Variants in ACACB observed in about 807,000 individuals in gnomAD.
ACACB encodes acetyl-CoA carboxylase 2.
Under a neutral mutation model 278.8 loss-of-function variants are expected in ACACB, and 209 were observed. The ratio of observed to expected loss-of-function variants is 0.75; its 90% CI spans 0.67 to 0.84. ACACB has a LOEUF of 0.84. ACACB is among the 40% of genes least tolerant of loss of function. The pLI is 0.00. For synonymous variants in ACACB, 1,174 were observed against 1,285.6 expected (o/e 0.91, Z 1.86); for missense variants, 2,850 against 3,269.0 (o/e 0.87, Z 3.13).
chr12:109,134,687 G>A (rs1055248317), intron 1 of ACACB, among the ~76,000 whole-genome samples: 2 of 152,130 alleles, frequency 1.3e-5, no homozygotes, highest in South Asian at 4.1e-4. Context: ...AAAAGGAGAC[G>A]GGAAGGCAAG....
chr12:109,232,086 C>T (rs181129103), intron 28 of ACACB, among the ~76,000 whole-genome samples: 37 of 152,346 alleles, frequency 2.4e-4, no homozygotes, highest in Admixed American at 7.8e-4. Flanking sequence ...GTGCTGACTT[C>T]CTGCACACCA....
chr12:109,174,868 A>G (rs1013435228), intron 7 of ACACB, among the ~76,000 whole-genome samples: 3 of 152,148 alleles, frequency 2.0e-5, no homozygotes, highest in African/African-American at 7.2e-5. Context: ...CTGTCTTTAA[A>G]AGGAAACAAC....
chr12:109,254,438 T>C lies in ACACB; in HGVS notation c.6166+104T>C, dbSNP rs115197809. ...AAGCGCTTGAGACAAAGGCTTGATA[T>C]TCGTTCTCATATCCCAGAGAGGTAT... On this transcript the variant is annotated intron_variant, in intron 44 of 52. Coordinates refer to ENST00000338432, the MANE Select transcript of ACACB (RefSeq NM_001093.4). 2.6e-3 allele frequency: 2,942 copies of C among 1,144,158 alleles called. 76 individuals are homozygous for C. In the African/African-American group the frequency reaches 0.043, roughly 17 times the overall value. The allele number at this position is 1,144,158 out of a possible 1,614,324, so 70.9% of individuals were successfully genotyped here.
At chr12:109,259,590 A>AC (rs1046607432) in intron 47 of ACACB, among the ~76,000 whole-genome samples, 16 of 151,658 alleles carry the variant, frequency 1.1e-4, no homozygotes, top group Admixed American at 6.6e-5. Context: ...AAACAAAAAA[A>AC]AAACAATGAG....
chr12:109,112,630 C>T (rs1252800088), upstream of ACACB, among the ~76,000 whole-genome samples: 2 of 145,974 alleles, frequency 1.4e-5, no homozygotes, highest in African/African-American at 5.1e-5. Flanking sequence ...TGAACCCGGG[C>T]GATCGCACCA....
Position 109,265,364 on chromosome 12 carries a change from GAGGCATCCTCTGCC to G in ACACB, c.7114-24_7114-11del. ...CTGGCCCACAGCTGGGTCCCTCTCTGAGGCATCCTCTGCCCCCTCCCCAGGCCTACTTGTGGGAC... is the reference window on the plus strand; with the variant it reads ...CTGGCCCACAGCTGGGTCCCTCTCTGCCCTCCCCAGGCCTACTTGTGGGAC... On this transcript the variant is annotated splice_polypyrimidine_tract_variant and intron_variant, in intron 51 of 52. Transcript: ENST00000338432. The G allele has an allele frequency of 6.2e-7, 1 of 1,612,834 alleles. No homozygotes were observed. Among genetic ancestry groups the G allele is most frequent in the African/African-American group, 1.3e-5 (1 of 75,028 alleles).
chr12:109,167,639 A>G (rs113517281), intron 3 of ACACB, among the ~76,000 whole-genome samples: 1 of 132,614 alleles, frequency 7.5e-6, no homozygotes, highest in Non-Finnish European at 1.6e-5. Context: ...ATATATATAT[A>G]TATATATATA....
chr12:109,155,770 GA>G (rs891023493), intron 2 of ACACB, among the ~76,000 whole-genome samples: 5 of 148,802 alleles, frequency 3.4e-5, no homozygotes, highest in Admixed American at 2.0e-4. Context: ...TTAAGTGATT[GA>G]AAAAAAAATC....
intron 25 of ACACB, 57 bp downstream of exon 25, chr12:109,222,677 T>C: frequency 6.5e-7 from 1 of 1,538,096 alleles, no homozygotes; most frequent in African/African-American, 1.4e-5. Flanking sequence ...CTCCTATGTG[T>C]CCCCTACCGT....
rs144907497 is a variant in ACACB, at chr12:109,167,089, C to G, written c.786+96C>G. On this transcript the variant is annotated intron_variant, in intron 3 of 52. Transcript: ENST00000338432. ...TGGGAGATTCGGGTTCAGGCTCATT[C>G]TGCCTGCTGCAGAGAGGGGGTGAGG... The G allele has an allele frequency of 2.3e-3, 3,509 of 1,544,686 alleles. 62 individuals carry two copies. In the African/African-American group the frequency reaches 0.04, roughly 18 times the overall value.
chr12:109,258,198 C>A, intron 45 of ACACB, 70 bp from the exon 46 acceptor site: 1 of 1,194,854 alleles, frequency 8.4e-7, no homozygotes. Context: ...CCCTCACCCC[C>A]ACACCCAGAG....
At chr12:109,214,552 A>G (rs371308161) in intron 22 of ACACB, among the ~76,000 whole-genome samples, 82 of 152,358 alleles carry the variant, frequency 5.4e-4, no homozygotes, top group African/African-American at 1.8e-3. Flanking sequence ...AAAATGAACC[A>G]TTAATAAATT....
In ACACB at chr12:109,242,481, G is replaced by T; in HGVS notation, c.5067G>T (p.Gly1689=). 6.2e-7 allele frequency: 1 copy of T among 1,614,076 alleles called. No individual in the cohort carries two copies. Among genetic ancestry groups the T allele is most frequent in the African/African-American group, 1.3e-5 (1 of 75,038 alleles). ...GCAACAAGCAAGGGCCCCAGCACGGGATGCTGATCAATACTCCCTACGTCA... is the reference window on the plus strand; with the variant it reads ...GCAACAAGCAAGGGCCCCAGCACGGTATGCTGATCAATACTCCCTACGTCA... ...SFGNKQGPQH[G]MLINTPYVTK... is the part of the protein sequence containing the mutation. The change falls in exon 37 of 53, where the codon GGG becomes GGT. Residue 1689 remains glycine (G), a synonymous_variant. Transcript: ENST00000338432.
chr12:109,150,861 T>G (rs1375704356), intron 2 of ACACB, among the ~76,000 whole-genome samples: 3 of 152,242 alleles, frequency 2.0e-5, no homozygotes, highest in African/African-American at 7.2e-5. Flanking sequence ...AATGTTTAAT[T>G]TATTCATTTA....
At chr12:109,246,475 G>A (rs2046949687) in intron 39 of ACACB, 27 bp downstream of exon 39, 2 of 1,602,770 alleles carry the variant, frequency 1.2e-6, no homozygotes, top group African/African-American at 1.3e-5. Flanking sequence ...GCGGGGCAGG[G>A]TGATTCTGCT....
Position 109,180,100 on chromosome 12 carries a change from G to T in ACACB, c.1818+13G>T, listed in dbSNP as rs1022684601. ...CGCCCAGCTACAGGTGAGAAAATGG[G>T]CTTGGGGCCCTGGGACTTCTCTGCC... On this transcript the variant is annotated intron_variant, in intron 11 of 52. Coordinates refer to ENST00000338432, the MANE Select transcript of ACACB (RefSeq NM_001093.4). 1.9e-6 allele frequency: 3 copies of T among 1,607,398 alleles called. No individual in the cohort carries two copies. The highest frequency in any genetic ancestry group is 1.3e-5 in the African/African-American group (1 of 74,786).
upstream of ACACB, among the ~76,000 whole-genome samples, chr12:109,114,562 G>C (rs1297434212): frequency 2.6e-5 from 4 of 151,700 alleles, no homozygotes; most frequent in Non-Finnish European, 4.4e-5. Flanking sequence ...AATTTTTTTT[G>C]GGCCAGGTAC....
At chr12:109,210,460 T>TACACGCAC (rs1307895543) in intron 21 of ACACB, among the ~76,000 whole-genome samples, 15 of 130,760 alleles carry the variant, frequency 1.1e-4, no homozygotes, top group African/African-American at 3.1e-4. Context: ...TATATGTATA[T>TACACGCAC]ATACGCACAT....
chr12:109,157,592 C>G (rs1024152932), intron 2 of ACACB, among the ~76,000 whole-genome samples: 4 of 152,060 alleles, frequency 2.6e-5, no homozygotes, highest in Admixed American at 1.3e-4. Flanking sequence ...CGTTGAGACT[C>G]TGTGTGGAAG....
Sources: allele counts gnomAD v4.1 joint callset (sites outside exome capture counted in the v4.1 genomes callset), GRCh38; gene constraint gnomAD v4.1.1; transcripts MANE v1.5; gene names NCBI Gene and HGNC (gene_info 2026-07-23, HGNC 2026-07-21).